Variants in SIDT1 observed in about 807,000 individuals in gnomAD.
SIDT1 encodes the protein SID1 transmembrane family member 1.
In SIDT1, 101 loss-of-function variants were observed where a neutral mutation model predicts 107.5. The ratio of observed to expected loss-of-function variants is 0.94; its 90% CI spans 0.80 to 1.11. The LOEUF (loss-of-function observed/expected upper bound fraction) is 1.11, where lower values mean the gene tolerates loss of function less well. Ranked by LOEUF, SIDT1 falls within the 50% of genes least tolerant of loss-of-function variation. The pLI is 0.00. For synonymous variants in SIDT1, 395 were observed against 398.2 expected (o/e 0.99, Z 0.10); for missense variants, 1,076 against 1,058.2 (o/e 1.02, Z -0.23).
chr3:113,616,475 C>T (rs535115393), intron 20 of SIDT1, among the ~76,000 whole-genome samples: 1 of 152,176 alleles, frequency 6.6e-6, no homozygotes. Context: ...GAATAACACA[C>T]ACTGGGGCCT....
intron 3 of SIDT1, among the ~76,000 whole-genome samples, chr3:113,569,302 T>A (rs977691867): frequency 2.6e-5 from 4 of 152,176 alleles, no homozygotes; most frequent in Non-Finnish European, 4.4e-5. Flanking sequence ...TTGACGATAA[T>A]TTATTCAAAT....
chr3:113,624,637 G>T (rs1174101368), intron 23 of SIDT1, among the ~76,000 whole-genome samples: 1 of 152,130 alleles, frequency 6.6e-6, no homozygotes, highest in Non-Finnish European at 1.5e-5. Flanking sequence ...AAAATGTGCA[G>T]TTCAGTGGTC....
chr3:113,539,745 A>G (rs1327989169), intron 1 of SIDT1, among the ~76,000 whole-genome samples: 1 of 152,118 alleles, frequency 6.6e-6, no homozygotes. Context: ...TTTATAAGGA[A>G]TAAAAAGGTT....
intron 21 of SIDT1, 41 bp downstream of exon 21, chr3:113,619,767 G>A (rs1406346105): frequency 6.4e-7 from 1 of 1,560,094 alleles, no homozygotes; most frequent in East Asian, 2.2e-5. Flanking sequence ...CTTTATTAAT[G>A]TCAGTAACAC....
At chr3:113,599,513 A>C (rs760424446) in intron 10 of SIDT1, among the ~76,000 whole-genome samples, 19 of 152,250 alleles carry the variant, frequency 1.2e-4, no homozygotes, top group Non-Finnish European at 2.6e-4. Context: ...TAAAAAGATA[A>C]GTTTTGTCTA....
At chr3:113,633,184 A>G (rs1458964583), downstream of SIDT1, among the ~76,000 whole-genome samples, 2 of 152,046 alleles carry the variant, frequency 1.3e-5, no homozygotes, top group Non-Finnish European at 2.9e-5. Context: ...TTCTCTGTCT[A>G]TGGTTCCCAG....
At chr3:113,554,354 C>A (rs990177016) in intron 1 of SIDT1, among the ~76,000 whole-genome samples, 2 of 152,172 alleles carry the variant, frequency 1.3e-5, no homozygotes, top group Non-Finnish European at 2.9e-5. Context: ...TGGGCTGTGT[C>A]TCCATCCAAA....
chr3:113,583,499 A>T lies in SIDT1; in HGVS notation c.835+3A>T. Reference sequence around the variant, plus strand: ...TGGAGGATCTTTCTTCATCCAGGGTAAGAGCTAGTGAGGAACACTTGGCTG... The same window carrying T: ...TGGAGGATCTTTCTTCATCCAGGGTTAGAGCTAGTGAGGAACACTTGGCTG... On this transcript the variant is annotated splice_donor_region_variant and intron_variant, in intron 7 of 24. Transcript: ENST00000264852. The T allele has an allele frequency of 6.3e-7, 1 of 1,581,624 alleles. No homozygotes were observed.
chr3:113,537,169 T>C (rs565120499), intron 1 of SIDT1, among the ~76,000 whole-genome samples: 1 of 152,368 alleles, frequency 6.6e-6, no homozygotes, highest in South Asian at 2.1e-4. Flanking sequence ...TAGTTTGCCA[T>C]AGATTTTTTA....
intron 1 of SIDT1, among the ~76,000 whole-genome samples, chr3:113,548,658 A>T (rs1476557627): frequency 6.6e-6 from 1 of 152,140 alleles, no homozygotes; most frequent in Non-Finnish European, 1.5e-5. Flanking sequence ...AAAGGAAAGT[A>T]AGATTCTCAT....
At chr3:113,592,444 T>C (rs1944227610) in intron 9 of SIDT1, among the ~76,000 whole-genome samples, 1 of 152,182 alleles carries the variant, frequency 6.6e-6, no homozygotes, top group African/African-American at 2.4e-5. Flanking sequence ...CTGGGATATA[T>C]GGTAACTCTT....
chr3:113,572,158 T>C (rs1576808244), intron 3 of SIDT1, among the ~76,000 whole-genome samples: 2 of 152,184 alleles, frequency 1.3e-5, no homozygotes, highest in African/African-American at 4.8e-5. Context: ...CCAGTGTAGC[T>C]TGTAGATGGT....
intron 1 of SIDT1, among the ~76,000 whole-genome samples, chr3:113,565,925 G>T (rs1576784724): frequency 6.6e-6 from 1 of 151,928 alleles, no homozygotes; most frequent in East Asian, 1.9e-4. Flanking sequence ...TTTGAGGGAG[G>T]GTGGCTTTGT....
At chr3:113,544,336 G>T (rs1424713769) in intron 1 of SIDT1, among the ~76,000 whole-genome samples, 2 of 151,906 alleles carry the variant, frequency 1.3e-5, no homozygotes, top group African/African-American at 2.4e-5. Context: ...GACTACAGGC[G>T]CACACAACCA....
At chr3:113,554,773 A>C (rs1029754479) in intron 1 of SIDT1, among the ~76,000 whole-genome samples, 1 of 152,198 alleles carries the variant, frequency 6.6e-6, no homozygotes, top group African/African-American at 2.4e-5. Flanking sequence ...TCGCGACAGA[A>C]GATCAACACC....
chr3:113,630,196 G>T (rs1367548433), downstream of SIDT1, among the ~76,000 whole-genome samples: 4 of 152,194 alleles, frequency 2.6e-5, no homozygotes, highest in African/African-American at 7.2e-5. Flanking sequence ...GAGGCTCTTG[G>T]CAAAGTAAGC....
At chr3:113,603,730 G>GT (rs1474014349) in intron 12 of SIDT1, among the ~76,000 whole-genome samples, 2 of 151,946 alleles carry the variant, frequency 1.3e-5, no homozygotes, top group Admixed American at 1.3e-4. Flanking sequence ...AAATACTAGG[G>GT]TTTTTATTAA....
In SIDT1 at chr3:113,615,759, T is replaced by C. The variant is rs192756478; in HGVS notation, c.1967-341T>C. 4.6e-3 allele frequency among the ~76,000 whole-genome samples: 703 copies of C among 152,314 alleles called. 4 individuals are homozygous for C. Among genetic ancestry groups the C allele is most frequent in the African/African-American group, 0.014 (589 of 41,562 alleles). ...TTGAGGGGACCCATAACATCTCTAC[T>C]ATAAAGAAAACACCACTAGAGTAAA... is the stretch of plus-strand genomic sequence containing the variant. On this transcript the variant is annotated intron_variant, in intron 19 of 24. Coordinates refer to ENST00000264852, the MANE Select transcript of SIDT1 (RefSeq NM_017699.3).
In SIDT1 at chr3:113,541,067, G is replaced by A. The variant is rs76414185; in HGVS notation, c.222+7824G>A. 7.7e-3 allele frequency among the ~76,000 whole-genome samples: 1,169 copies of A among 151,590 alleles called. 14 individuals carry two copies. Among genetic ancestry groups the A allele is most frequent in the African/African-American group, 0.018 (750 of 41,290 alleles). ...CATTGTTAGAGTATATAGCCATTACGAGCTATATTGTCTTCCTTCTAACCA... is the reference window on the plus strand; with the variant it reads ...CATTGTTAGAGTATATAGCCATTACAAGCTATATTGTCTTCCTTCTAACCA... On this transcript the variant is annotated intron_variant, in intron 1 of 24. Transcript: ENST00000264852.
Sources: gnomAD v4.1 joint callset for allele counts (sites outside exome capture counted in the v4.1 genomes callset) on GRCh38, gnomAD v4.1.1 for gene constraint, MANE v1.5 for transcripts, NCBI Gene and HGNC (gene_info 2026-07-23, HGNC 2026-07-21) for gene names.